The following LOXHD1 variants were observed in gnomAD, a reference collection of about 807,000 sequenced individuals.
LOXHD1 encodes lipoxygenase homology PLAT domains 1.
LOXHD1 carries 205 observed loss-of-function variants against 248.2 expected under a neutral mutation model. The observed-to-expected ratio is 0.83, with a 90% CI of 0.74 to 0.93. LOXHD1 has a LOEUF of 0.93. Among genes scored for constraint, LOXHD1 ranks in the 40% least tolerant of loss-of-function variants. LOXHD1 has a pLI of 0.00. For missense variants in LOXHD1, 2,930 were observed against 2,971.6 expected (o/e 0.99, Z 0.33); for synonymous variants, 1,113 against 1,162.8 (o/e 0.96, Z 0.87).
rs1326387201 is a variant in LOXHD1 at position 46,488,894 on chromosome 18, C to A, written c.6049+78G>T. The A allele has an allele frequency of 2.7e-6, 4 of 1,469,192 alleles. No homozygotes were observed. In the African/African-American group the frequency reaches 5.6e-5, roughly 21 times the overall value. 91.0% of individuals were successfully genotyped at this position (1,469,192 alleles called of 1,614,324 possible). On this transcript the variant is annotated intron_variant, in intron 38 of 40. Transcript: ENST00000642948. ...TTCCCTGTATCTGGCACCTGACCCC[C>A]CTCCAGCTGGAACGGTGTCTTCTTA... is the stretch of plus-strand genomic sequence containing the variant.
At chr18:46,628,265 CCT>C (rs2038772034) in intron 4 of LOXHD1, among the ~76,000 whole-genome samples, 1 of 152,176 alleles carries the variant, frequency 6.6e-6, no homozygotes, top group Non-Finnish European at 1.5e-5. Flanking sequence ...TCTTCTTCCC[CCT>C]CTTTCCGGAG....
chr18:46,550,382 G>A lies in LOXHD1; in HGVS notation c.3351-3324C>T, dbSNP rs1245106191. ...AGGTCAGGAGATCGAGACCATCCTG[G>A]CTAACAAGGTGAAACCCCGTCTCTA... On this transcript the variant is annotated intron_variant, in intron 21 of 40. Transcript: ENST00000642948. 1.5e-4 allele frequency among the ~76,000 whole-genome samples: 23 copies of A among 151,586 alleles called. No homozygotes were observed. In the East Asian group the frequency reaches 4.3e-3, roughly 28 times the overall value.
At chr18:46,495,797 T>C (rs2033826594) in intron 37 of LOXHD1, among the ~76,000 whole-genome samples, 1 of 152,210 alleles carries the variant, frequency 6.6e-6, no homozygotes, top group Admixed American at 6.5e-5. Context: ...ATAGTGGTGG[T>C]GTAATTTTGT....
At chr18:46,515,105 C>T (rs1168241122) in intron 34 of LOXHD1, among the ~76,000 whole-genome samples, 1 of 152,196 alleles carries the variant, frequency 6.6e-6, no homozygotes, top group Non-Finnish European at 1.5e-5. Context: ...CTGCTATTGG[C>T]TATTGTAAGC....
intron 6 of LOXHD1, among the ~76,000 whole-genome samples, chr18:46,605,430 C>T (rs909575302): frequency 6.6e-6 from 1 of 152,130 alleles, no homozygotes; most frequent in African/African-American, 2.4e-5. Flanking sequence ...AGGAGAATGG[C>T]GTGAACCCAG....
At chr18:46,490,231 C>T (rs916144476) in intron 37 of LOXHD1, among the ~76,000 whole-genome samples, 2 of 152,132 alleles carry the variant, frequency 1.3e-5, no homozygotes, top group African/African-American at 4.8e-5. Flanking sequence ...AAGGAAACTC[C>T]AAGTGTCTTA....
At chr18:46,487,110 G>A (rs2033112974) in intron 38 of LOXHD1, among the ~76,000 whole-genome samples, 1 of 152,148 alleles carries the variant, frequency 6.6e-6, no homozygotes, top group Non-Finnish European at 1.5e-5. Flanking sequence ...GCACACCCAA[G>A]GACAAGCCCT....
intron 4 of LOXHD1, among the ~76,000 whole-genome samples, chr18:46,637,278 C>CT (rs1322895370): frequency 4.6e-5 from 7 of 152,340 alleles, no homozygotes; most frequent in South Asian, 4.1e-4. Context: ...TGTGAAGGAG[C>CT]TGGGGGCCCA....
chr18:46,555,088 C>G (rs914851971), intron 21 of LOXHD1: 2 of 470,240 alleles, frequency 4.3e-6, no homozygotes, highest in Non-Finnish European at 8.8e-6. Context: ...GTTGGGCTAG[C>G]CGAGAAATGC....
chr18:46,629,672 T>G (rs550870787), intron 4 of LOXHD1, among the ~76,000 whole-genome samples: 18 of 151,870 alleles, frequency 1.2e-4, no homozygotes, highest in South Asian at 4.2e-4. Context: ...CCCAGTTACC[T>G]GATGAAACAG....
At chr18:46,563,391 A>G (rs2037570263) in intron 17 of LOXHD1, among the ~76,000 whole-genome samples, 166 bp from the exon 18 acceptor site, 1 of 152,122 alleles carries the variant, frequency 6.6e-6, no homozygotes. Context: ...AATCATTCCC[A>G]TTTTGCAGGT....
chr18:46,653,911 C>T (rs1291344623), intron 1 of LOXHD1, among the ~76,000 whole-genome samples: 1 of 152,228 alleles, frequency 6.6e-6, no homozygotes, highest in Non-Finnish European at 1.5e-5. Context: ...ACCTTATAGG[C>T]ATTCTTCCAC....
intron 14 of LOXHD1, among the ~76,000 whole-genome samples, chr18:46,573,889 C>T (rs1205935859): frequency 6.6e-6 from 1 of 152,176 alleles, no homozygotes; most frequent in African/African-American, 2.4e-5. Flanking sequence ...CCATTGGAGA[C>T]TCCAAGACAT....
rs1222162741 is a variant in LOXHD1, at chr18:46,524,701, G to A, written c.4740+7C>T. On this transcript the variant is annotated splice_region_variant and intron_variant, in intron 30 of 40. Coordinates refer to ENST00000642948, the MANE Select transcript of LOXHD1 (RefSeq NM_001384474.1). ...TGGCCACAGGCCCTATATACCCCTT[G>A]GCTCACCTTCTCGTAAAAGAGCCTC... is the stretch of plus-strand genomic sequence containing the variant. 3 of 1,551,566 alleles carry A rather than the reference G, an allele frequency of 1.9e-6. No individual in the cohort carries two copies. The South Asian group carries it at 3.6e-5, about 18-fold the overall frequency.
intron 35 of LOXHD1, chr18:46,509,457 C>T (rs1036038483): frequency 2.2e-5 from 12 of 537,536 alleles, no homozygotes; most frequent in Admixed American, 8.6e-5. Context: ...GTCCACGTAA[C>T]GTTGACAGCT....
At position 46,560,404 on chromosome 18, in the gene LOXHD1, C is replaced by T. The variant is rs1353942720; in HGVS notation, c.2740G>A (p.Ala914Thr). The stretch of plus-strand genomic sequence containing the variant: ...TTGTCCTTCTCCTTCTTCTTCCGGG[C>T]CTCCTCCTCCGGCGTGAGGTCCACC... ...REVDLTPEEEARKKKEKDKLR... is the reference protein window; with the variant it reads ...REVDLTPEEETRKKKEKDKLR... Residue 914 changes from alanine to threonine, a missense_variant, in exon 19 of 41, where the codon GCC becomes ACC. Ala to Thr is a moderately conservative substitution (Grantham distance 58). Coordinates refer to ENST00000642948, the MANE Select transcript of LOXHD1 (RefSeq NM_001384474.1). 12 of 1,550,112 alleles carry T rather than the reference C, an allele frequency of 7.7e-6. No homozygotes were observed. The African/African-American group carries it at 8.2e-5, about 11-fold the overall frequency.
chr18:46,611,668 A>T (rs2144313729), intron 5 of LOXHD1, among the ~76,000 whole-genome samples: 1 of 152,294 alleles, frequency 6.6e-6, no homozygotes, highest in Middle Eastern at 3.4e-3. Context: ...GTTCAAACAT[A>T]CAGAAAATAA....
intron 18 of LOXHD1, among the ~76,000 whole-genome samples, chr18:46,562,337 A>G (rs1599006730): frequency 6.6e-6 from 1 of 152,274 alleles, no homozygotes; most frequent in Non-Finnish European, 1.5e-5. Flanking sequence ...CAAGGCACCC[A>G]GCATGAACAT....
rs772100797 is a variant in LOXHD1, at chr18:46,586,404, C to T, written c.1654+5529G>A. On this transcript the variant is annotated intron_variant, in intron 12 of 40. Coordinates refer to ENST00000642948, the MANE Select transcript of LOXHD1 (RefSeq NM_001384474.1). ...CTTTAAATGGGTAAATTGTATGGCA[C>T]ATGAATCATATCTTAATATAGCTGT... Among the ~76,000 whole-genome samples the T allele has an allele frequency of 4.7e-4, 70 of 149,840 alleles. No homozygotes were observed. In the Middle Eastern group the frequency reaches 0.017, roughly 37 times the overall value.
Sources: gnomAD v4.1 joint callset for allele counts (sites outside exome capture counted in the v4.1 genomes callset) on GRCh38, gnomAD v4.1.1 for gene constraint, MANE v1.5 for transcripts, NCBI Gene and HGNC (gene_info 2026-07-23, HGNC 2026-07-21) for gene names.